The following ZNF536 variants were observed in gnomAD, a reference collection of about 807,000 sequenced individuals.
ZNF536 encodes zinc finger protein 536.
Under a neutral mutation model 84.5 loss-of-function variants are expected in ZNF536, and 13 were observed. That is an observed-to-expected ratio of 0.15 (90% CI 0.10 to 0.24). The LOEUF (loss-of-function observed/expected upper bound fraction) is 0.24. Ranked by LOEUF, ZNF536 falls within the 10% of genes least tolerant of loss-of-function variation. ZNF536 has a pLI of 1.00. For missense variants in ZNF536, 1,536 were observed against 1,747.5 expected (o/e 0.88, Z 2.16); for synonymous variants, 811 against 742.5 (o/e 1.09, Z -1.50).
At chr19:30,583,358 C>A (rs886110412) in intron 1 of ZNF536, among the ~76,000 whole-genome samples, 1 of 152,180 alleles carries the variant, frequency 6.6e-6, no homozygotes, top group Non-Finnish European at 1.5e-5. Context: ...CCGGGTGGCT[C>A]CAACAGAGAT....
At chr19:30,326,122 G>A (rs1193908918) in intron 2 of ZNF536, among the ~76,000 whole-genome samples, 2 of 152,226 alleles carry the variant, frequency 1.3e-5, no homozygotes, top group Admixed American at 1.3e-4. Flanking sequence ...TAGTGCTGGG[G>A]TCAGATGGTA....
intron 1 of ZNF536, among the ~76,000 whole-genome samples, chr19:30,641,335 C>T (rs2049260113): frequency 6.6e-6 from 1 of 152,044 alleles, no homozygotes. Flanking sequence ...TGAAGAATGC[C>T]ACAGTTTTAG....
intron 2 of ZNF536, among the ~76,000 whole-genome samples, chr19:30,494,945 C>CA (rs1252256481): frequency 0.19 from 13,387 of 68,668 alleles, 1,935 homozygotes; most frequent in African/African-American, 0.4. Context: ...GACTCCGTCT[C>CA]AAAAAAGAAA....
At chr19:30,298,627 T>C (rs2046083701) in intron 2 of ZNF536, among the ~76,000 whole-genome samples, 1 of 152,194 alleles carries the variant, frequency 6.6e-6, no homozygotes, top group Non-Finnish European at 1.5e-5. Context: ...AAGGAATACA[T>C]TATAGCGATG....
At chr19:30,711,707 A>C (rs1278993902) in exon 2 of ZNF536, 1 of 152,164 alleles carries the variant, frequency 6.6e-6, no homozygotes, top group East Asian at 1.9e-4. Context: ...TGCAGGTTTG[A>C]TGAGTAATTC....
chr19:30,305,826 G>C (rs1188831121), intron 2 of ZNF536, among the ~76,000 whole-genome samples: 5 of 152,232 alleles, frequency 3.3e-5, no homozygotes, highest in Admixed American at 1.3e-4. Flanking sequence ...GCTTCGGCAG[G>C]AGGGGCCAGC....
intron 1 of ZNF536, among the ~76,000 whole-genome samples, chr19:30,231,761 G>C (rs751199336): frequency 4.6e-5 from 7 of 152,150 alleles, no homozygotes; most frequent in Non-Finnish European, 8.8e-5. Flanking sequence ...CTAAGCCAGG[G>C]AGTGGCCCCC....
intron 1 of ZNF536, among the ~76,000 whole-genome samples, chr19:30,647,672 G>GT (rs2049527261): frequency 1.3e-5 from 2 of 152,158 alleles, no homozygotes; most frequent in Admixed American, 6.5e-5. Context: ...GCCTCCTTGT[G>GT]TTTTTTAAAA....
intron 1 of ZNF536, among the ~76,000 whole-genome samples, chr19:30,611,987 T>A (rs2048121008): frequency 6.6e-6 from 1 of 152,112 alleles, no homozygotes; most frequent in Admixed American, 6.5e-5. Context: ...TGCTGTTTGG[T>A]CGTGGGCATT....
At chr19:30,345,045 C>T (rs746360151) in intron 2 of ZNF536, among the ~76,000 whole-genome samples, 15 of 152,218 alleles carry the variant, frequency 9.9e-5, no homozygotes, top group South Asian at 2.1e-4. Context: ...GCTACTAACT[C>T]GGTACCAGGC....
upstream of ZNF536, among the ~76,000 whole-genome samples, chr19:30,369,257 C>T (rs551884389): frequency 3.9e-4 from 60 of 152,240 alleles, no homozygotes; most frequent in Admixed American, 7.8e-4. Context: ...ATAGAGTTTT[C>T]GCAAAGTTTA....
chr19:30,425,526 C>T (rs2051175881), intron 1 of ZNF536, among the ~76,000 whole-genome samples: 1 of 152,252 alleles, frequency 6.6e-6, no homozygotes, highest in Admixed American at 6.5e-5. Context: ...GACGTCTCTC[C>T]TCCTTCACCT....
intron 1 of ZNF536, among the ~76,000 whole-genome samples, chr19:30,611,124 G>A (rs1399720594): frequency 2.0e-5 from 3 of 152,170 alleles, no homozygotes; most frequent in South Asian, 2.1e-4. Context: ...AGAAGAACCC[G>A]GAGCCATTGG....
At chr19:30,700,704 A>G (rs2051904784) in intron 1 of ZNF536, among the ~76,000 whole-genome samples, 1 of 152,120 alleles carries the variant, frequency 6.6e-6, no homozygotes, top group Non-Finnish European at 1.5e-5. Flanking sequence ...AATGTATCCT[A>G]TTGACCTATA....
chr19:30,590,699 T>C lies in ZNF536; in HGVS notation c.169+41185T>C, dbSNP rs186545243. Among the ~76,000 whole-genome samples the C allele has an allele frequency of 1.5e-4, 23 of 152,366 alleles. No individual in the cohort carries two copies. In the East Asian group the frequency reaches 2.7e-3, roughly 18 times the overall value. Reference sequence around the variant, plus strand: ...GACTGGAGTCCAGGTCTCACTGTACTGTGACCTCACAGAGCCCCTTTCAGT... The same window carrying C: ...GACTGGAGTCCAGGTCTCACTGTACCGTGACCTCACAGAGCCCCTTTCAGT... On this transcript the variant is annotated intron_variant, in intron 1 of 1. Transcript: ENST00000592773.
intron 1 of ZNF536, among the ~76,000 whole-genome samples, chr19:30,384,098 C>CTTTCTCTTTCTT (rs1445807219): frequency 0.013 from 1,166 of 86,516 alleles, 34 homozygotes; most frequent in Non-Finnish European, 0.019. Context: ...CCACCTCTTT[C>CTTTCTCTTTCTT]TCTTTCTTTC....
At chr19:30,339,037 A>C (rs2059931430) in intron 2 of ZNF536, among the ~76,000 whole-genome samples, 1 of 151,994 alleles carries the variant, frequency 6.6e-6, no homozygotes, top group Non-Finnish European at 1.5e-5. Flanking sequence ...CGGGCTGTAA[A>C]GTTCCGTAGC....
At chr19:30,607,152 G>A (rs142375330) in intron 1 of ZNF536, among the ~76,000 whole-genome samples, 1 of 152,204 alleles carries the variant, frequency 6.6e-6, no homozygotes, top group African/African-American at 2.4e-5. Flanking sequence ...GTAGATTTTT[G>A]TCAAACTTAT....
intron 2 of ZNF536, among the ~76,000 whole-genome samples, chr19:30,465,779 C>A (rs1486546270): frequency 2.0e-5 from 3 of 151,980 alleles, no homozygotes; most frequent in Non-Finnish European, 4.4e-5. Flanking sequence ...GAGATGGAGT[C>A]TTGCTCTGTT....
Sources: allele counts gnomAD v4.1 joint callset (sites outside exome capture counted in the v4.1 genomes callset), GRCh38; gene constraint gnomAD v4.1.1; transcripts MANE v1.5; gene names NCBI Gene and HGNC (gene_info 2026-07-23, HGNC 2026-07-21).